The following MYOM3 variants were observed in gnomAD, a reference collection of about 807,000 sequenced individuals.
The protein encoded by MYOM3 is myomesin 3, also known as myomesin-3.
Under a neutral mutation model 191.7 loss-of-function variants are expected in MYOM3, and 155 were observed. The observed-to-expected ratio is 0.81, with a 90% CI of 0.71 to 0.92. The LOEUF is 0.92. Among genes scored for constraint, MYOM3 ranks in the 40% least tolerant of loss-of-function variants. MYOM3 has a pLI of 0.00. For synonymous variants in MYOM3, 757 were observed against 762.9 expected (o/e 0.99, Z 0.13); for missense variants, 1,889 against 1,890.6 (o/e 1.00, Z 0.02).
Position 24,057,475 on chromosome 1 carries a change from G to A in MYOM3, c.4203C>T (p.Asp1401=), listed in dbSNP as rs150569857. The change falls in exon 37 of 37, where the codon GAC becomes GAT. Residue 1401 remains aspartate (D), a synonymous_variant. Transcript: ENST00000374434. The part of the protein sequence containing the change: ...TITIEKVNSE[D]SGRYGVFVKN... ...TGACGAAGACGCCGTAGCGGCCGCT[G>A]TCTTCACTGTTGACCTTCTCAATGG... 6.2e-7 allele frequency: 1 copy of A among 1,614,246 alleles called. No homozygotes were observed. Among genetic ancestry groups the A allele is most frequent in the African/African-American group, 1.3e-5 (1 of 75,060 alleles).
rs1481588777 is a variant in MYOM3, at chr1:24,076,250, C to A, written c.2610G>T (p.Lys870Asn). The A allele has an allele frequency of 6.2e-7, 1 of 1,614,162 alleles. No individual in the cohort carries two copies. Reference protein sequence around the residue: ...HLRVSDLQPGKSYVFQVQAMN... With the variant: ...HLRVSDLQPGNSYVFQVQAMN... ...TGGCCTGTACCTGGAACACGTAACT[C>A]TTTCCTGGCTGCAAGTCGGAAACCT... The change falls in exon 21 of 37, where the codon AAG (lysine) becomes AAT (asparagine). Residue 870 changes from lysine (K) to asparagine (N), a missense_variant. Transcript: ENST00000374434.
intron 29 of MYOM3, among the ~76,000 whole-genome samples, chr1:24,064,738 C>T (rs573500585): frequency 1.3e-5 from 2 of 152,344 alleles, no homozygotes; most frequent in South Asian, 4.1e-4. Context: ...CAGCACCTTC[C>T]TTCAGCCCTC....
At position 24,063,828 on chromosome 1, in the gene MYOM3, TC is replaced by T. The variant is rs576765531; in HGVS notation, c.3622+243del. On this transcript the variant is annotated intron_variant, in intron 30 of 36. Transcript: ENST00000374434. The surrounding 1 kb of genome is among the most constrained non-coding windows in gnomAD (Gnocchi z 4.5). ...CCCACTGTGGGACGGAGGAGTGAAC[TC>T]AGGCTTCGGGTCTCCAAGCCTGGGC... Among the ~76,000 whole-genome samples, 20 of 152,242 alleles carry T rather than the reference TC, an allele frequency of 1.3e-4. 1 individual carries two copies. Among genetic ancestry groups the T allele is most frequent in the Middle Eastern group, 6.8e-3 (2 of 294 alleles).
At chr1:24,067,305 CTTCT>C (rs1326899232) in intron 27 of MYOM3, among the ~76,000 whole-genome samples, 34 of 70,770 alleles carry the variant, frequency 4.8e-4, no homozygotes, top group Non-Finnish European at 8.1e-4. Context: ...TCTTTCTTTC[CTTCT>C]TTCTTTCTTT....
chr1:24,094,146 T>C (rs1643866150), intron 9 of MYOM3, among the ~76,000 whole-genome samples: 2 of 150,268 alleles, frequency 1.3e-5, no homozygotes, highest in Non-Finnish European at 2.9e-5. Flanking sequence ...TCTGTTCCCA[T>C]TGCTTTGAGT....
Position 24,111,416 on chromosome 1 carries a change from G to A in MYOM3, c.-19+615C>T, listed in dbSNP as rs139380080. 5.1e-3 allele frequency among the ~76,000 whole-genome samples: 780 copies of A among 152,346 alleles called. 4 individuals are homozygous for A. Among genetic ancestry groups the A allele is most frequent in the African/African-American group, 0.016 (683 of 41,576 alleles). ...GGCTGGGAGCAGAGACACATCCTGCGGGCGGCGGGTGGCACAGGCTGGGAC... is the reference window on the plus strand; with the variant it reads ...GGCTGGGAGCAGAGACACATCCTGCAGGCGGCGGGTGGCACAGGCTGGGAC... On this transcript the variant is annotated intron_variant, in intron 1 of 36. Transcript: ENST00000374434. This position sits in a 1 kb window ranked among gnomAD's most constrained non-coding sequence, Gnocchi z 4.7.
intron 3 of MYOM3, among the ~76,000 whole-genome samples, chr1:24,107,622 C>A (rs78955670): frequency 0.014 from 2,114 of 152,294 alleles, 49 homozygotes; most frequent in African/African-American, 0.049. Flanking sequence ...CCTCTCCACG[C>A]CGGCACACTC....
intron 9 of MYOM3, among the ~76,000 whole-genome samples, chr1:24,093,365 G>C (rs2148556703): frequency 6.6e-6 from 1 of 152,218 alleles, no homozygotes; most frequent in Middle Eastern, 3.4e-3. Flanking sequence ...TGAGGGTTTA[G>C]GGACATAGCC....
Position 24,095,486 on chromosome 1 carries a change from G to C in MYOM3, c.746C>G (p.Thr249Ser). ...ASSFAKVLVR[T>S]YLGKDAGFDS... is the part of the protein sequence containing the mutation. Reference sequence around the variant, plus strand: ...GAAGCCAGCATCCTTCCCCAGGTAAGCTGAAAAACCAAAGGCAAACAGAGT... The same window carrying C: ...GAAGCCAGCATCCTTCCCCAGGTAACCTGAAAAACCAAAGGCAAACAGAGT... Residue 249 changes from threonine (T) to serine (S), a missense_variant and splice_region_variant, in exon 8 of 37, where the codon ACT (threonine) becomes AGT (serine). Thr to Ser is a moderately conservative substitution (Grantham distance 58). Coordinates refer to ENST00000374434, the MANE Select transcript of MYOM3 (RefSeq NM_152372.4). The C allele has an allele frequency of 1.2e-6, 2 of 1,612,832 alleles. No individual in the cohort carries two copies. Among genetic ancestry groups the C allele is most frequent in the African/African-American group, 2.7e-5 (2 of 74,964 alleles).
At chr1:24,081,488 G>A in intron 18 of MYOM3, 32 bp from the exon 19 acceptor site, 1 of 1,605,858 alleles carries the variant, frequency 6.2e-7, no homozygotes, top group Admixed American at 1.7e-5. Context: ...CTATGAGGCT[G>A]AGGCTGGAGG....
At chr1:24,076,112 G>C in intron 21 of MYOM3, 47 bp downstream of exon 21, 1 of 1,471,970 alleles carries the variant, frequency 6.8e-7, no homozygotes, top group Non-Finnish European at 9.5e-7. Flanking sequence ...CCCGTCCCCA[G>C]TGGCGTAGCC....
At chr1:24,080,531 A>T (rs1041776605) in intron 19 of MYOM3, among the ~76,000 whole-genome samples, 49 of 152,336 alleles carry the variant, frequency 3.2e-4, no homozygotes, top group African/African-American at 1.1e-3. Context: ...TTCTAGAGTC[A>T]GACCTCTGGG....
chr1:24,068,275 T>G lies in MYOM3; in HGVS notation c.3243A>C (p.Gln1081His), dbSNP rs780806459. 3.7e-6 allele frequency: 6 copies of G among 1,614,118 alleles called. No individual in the cohort carries two copies. The South Asian group carries it at 6.6e-5, about 18-fold the overall frequency. ...SEEDKGSYTA[Q>H]LQDGKAKNQI... ...GGTTTTTGGCTTTTCCATCTTGGAG[T>G]TGAGCGGTGTACGACCCTTTGTCCT... Residue 1081 changes from glutamine to histidine, a missense_variant, in exon 26 of 37, where the codon CAA becomes CAC. Physicochemically the swap from Gln to His is conservative, Grantham distance 24. Transcript: ENST00000374434.
At chr1:24,064,926 G>C (rs1643415511) in intron 29 of MYOM3, among the ~76,000 whole-genome samples, 1 of 152,226 alleles carries the variant, frequency 6.6e-6, no homozygotes, top group African/African-American at 2.4e-5. Context: ...GGTGACTGGA[G>C]TGGCTTCTGA....
Position 24,057,540 on chromosome 1 carries a change from G to T in MYOM3, c.4138C>A (p.Arg1380=). Reference sequence around the variant, plus strand: ...GTCCCCCTCACTTCCATGCGGTATCGGTCAAGGAAGGTGACAGGCTGGTCA... The same window carrying T: ...GTCCCCCTCACTTCCATGCGGTATCTGTCAAGGAAGGTGACAGGCTGGTCA... ...KNDQPVTFLD[R]YRMEVRGTEV... is the part of the protein sequence containing the mutation. The change falls in exon 37 of 37, where the codon CGA becomes AGA. Residue 1380 remains arginine, a synonymous_variant. Transcript: ENST00000374434. 6.2e-7 allele frequency: 1 copy of T among 1,614,148 alleles called. No individual in the cohort carries two copies. The highest frequency in any genetic ancestry group is 8.5e-7 in the Non-Finnish European group (1 of 1,179,988).
intron 28 of MYOM3, 168 bp from the exon 29 acceptor site, chr1:24,066,169 T>C: frequency 1.4e-6 from 1 of 720,484 alleles, no homozygotes; most frequent in East Asian, 2.7e-5. Flanking sequence ...CCTCTGCCTC[T>C]TGATCCCTGC....
intron 1 of MYOM3, 120 bp from the exon 2 acceptor site, chr1:24,108,774 C>T (rs563574344): frequency 9.2e-4 from 629 of 680,500 alleles, no homozygotes; most frequent in Non-Finnish European, 1.2e-3. Context: ...TCTCTGCAGT[C>T]GGCAGACAGG....
At chr1:24,098,936 C>A (rs1038865868) in intron 6 of MYOM3, among the ~76,000 whole-genome samples, 2 of 152,190 alleles carry the variant, frequency 1.3e-5, no homozygotes, top group African/African-American at 4.8e-5. Context: ...AGAGCCTTAA[C>A]TTTCTGAGCC....
At chr1:24,092,491 G>C in intron 10 of MYOM3, among the ~76,000 whole-genome samples, 176 bp from the exon 11 acceptor site, 1 of 152,288 alleles carries the variant, frequency 6.6e-6, no homozygotes, top group Middle Eastern at 3.4e-3. Context: ...CTGAGGGAAG[G>C]ATGACAGTAC....
Sources: allele counts gnomAD v4.1 joint callset (sites outside exome capture counted in the v4.1 genomes callset), GRCh38; gene constraint gnomAD v4.1.1; non-coding constraint Gnocchi (gnomAD v3.1); transcripts MANE v1.5; gene names NCBI Gene and HGNC (gene_info 2026-07-23, HGNC 2026-07-21).